MECOM: variants seen among roughly 807,000 people sequenced by gnomAD.
MECOM encodes histone-lysine N-methyltransferase MECOM.
MECOM carries 13 observed loss-of-function variants against 116.3 expected under a neutral mutation model. The ratio of observed to expected loss-of-function variants is 0.11; its 90% confidence interval spans 0.07 to 0.18. The LOEUF (loss-of-function observed/expected upper bound fraction) is 0.18, where lower values mean the gene tolerates loss of function less well. Among genes scored for constraint, MECOM ranks in the 10% least tolerant of loss-of-function variants. MECOM has a pLI of 1.00. For missense variants in MECOM, 1,299 were observed against 1,509.0 expected, an observed-to-expected ratio of 0.86 and a Z score of 2.31; for synonymous variants, 528 against 535.2, an observed-to-expected ratio of 0.99 and a Z score of 0.19.
chr3:169,455,197 TGATA>T (rs1217171182), intron 1 of MECOM, among the ~76,000 whole-genome samples: 3 of 152,124 alleles, frequency 2.0e-5, no homozygotes, highest in Non-Finnish European at 2.9e-5. Context: ...CATCAGAAAA[TGATA>T]GATAGGTATG....
At chr3:169,604,464 T>G (rs1428828645) in intron 1 of MECOM, among the ~76,000 whole-genome samples, 7 of 152,232 alleles carry the variant, frequency 4.6e-5, no homozygotes, top group African/African-American at 1.7e-4. Context: ...AGAAAGACTC[T>G]GGCTGGGACT....
At chr3:169,327,475 T>C (rs1429767312) in intron 2 of MECOM, among the ~76,000 whole-genome samples, 1 of 151,698 alleles carries the variant, frequency 6.6e-6, no homozygotes, top group Admixed American at 6.6e-5. Flanking sequence ...CCGTCTGTAC[T>C]AAAAATACAA....
chr3:169,601,462 T>G (rs1025632110), intron 1 of MECOM, among the ~76,000 whole-genome samples: 1 of 152,174 alleles, frequency 6.6e-6, no homozygotes, highest in African/African-American at 2.4e-5. Flanking sequence ...TGAGTGTAAC[T>G]CACCAGGCCT....
chr3:169,301,439 A>C (rs1716697264), intron 2 of MECOM, among the ~76,000 whole-genome samples: 1 of 152,210 alleles, frequency 6.6e-6, no homozygotes, highest in South Asian at 2.1e-4. Flanking sequence ...AAGCACTAGC[A>C]GTGTTGATAG....
chr3:169,662,098 G>A (rs1776356608), intron 1 of MECOM, among the ~76,000 whole-genome samples: 1 of 152,242 alleles, frequency 6.6e-6, no homozygotes, highest in Non-Finnish European at 1.5e-5. Flanking sequence ...CACCGTGTGG[G>A]AAAGTGTGGG....
chr3:169,643,685 A>C (rs557104935), intron 1 of MECOM, among the ~76,000 whole-genome samples: 1 of 152,250 alleles, frequency 6.6e-6, no homozygotes, highest in Non-Finnish European at 1.5e-5. Flanking sequence ...AACTGAGGGC[A>C]TCATGACAAC....
At chr3:169,438,131 C>G (rs11925929) in intron 1 of MECOM, among the ~76,000 whole-genome samples, 8,788 of 152,250 alleles carry the variant, frequency 0.058, 265 homozygotes, top group Non-Finnish European at 0.066. Context: ...AGCCATAATT[C>G]AAACCCTGAT....
chr3:169,182,729 T>C (rs1031569212), intron 2 of MECOM, among the ~76,000 whole-genome samples: 1 of 152,200 alleles, frequency 6.6e-6, no homozygotes, highest in African/African-American at 2.4e-5. Context: ...AGAAAAGTTT[T>C]CATCCTTAAT....
chr3:169,279,424 GAA>G (rs1236561166), intron 2 of MECOM, among the ~76,000 whole-genome samples: 2 of 152,146 alleles, frequency 1.3e-5, no homozygotes, highest in Admixed American at 1.3e-4. Flanking sequence ...TGTTCAGTGG[GAA>G]ATATGTTTTA....
intron 1 of MECOM, among the ~76,000 whole-genome samples, chr3:169,432,182 A>G (rs982540215): frequency 2.6e-5 from 4 of 150,998 alleles, no homozygotes; most frequent in African/African-American, 7.3e-5. Context: ...TTTTTTAGAC[A>G]GAGTCTTGCT....
chr3:169,571,786 C>T (rs764340741), intron 1 of MECOM, among the ~76,000 whole-genome samples: 1 of 151,874 alleles, frequency 6.6e-6, no homozygotes, highest in Non-Finnish European at 1.5e-5. Context: ...ACTGGCTAGC[C>T]GTGCAGAAAA....
Position 169,415,768 on chromosome 3 carries a change from T to TA in MECOM, c.38-34245dup, listed in dbSNP as rs1237151851. Reference sequence around the variant, plus strand: ...AAAACAGACTTTAAACCAACAAATATAAAAAAAGACAAAGAAGGGCATTGC... The same window carrying TA: ...AAAACAGACTTTAAACCAACAAATATAAAAAAAAGACAAAGAAGGGCATTGC... On this transcript the variant is annotated intron_variant, in intron 1 of 16. Transcript: ENST00000651503. Among the ~76,000 whole-genome samples the TA allele has an allele frequency of 2.7e-5, 4 of 149,774 alleles. No homozygotes were observed. In the South Asian group the frequency reaches 8.5e-4, roughly 32 times the overall value.
At chr3:169,264,546 T>C (rs556034376) in intron 2 of MECOM, among the ~76,000 whole-genome samples, 20 of 152,244 alleles carry the variant, frequency 1.3e-4, no homozygotes, top group African/African-American at 4.8e-4. Context: ...AGCCACAGAA[T>C]GCTAGAAGGA....
At chr3:169,372,280 G>A (rs1730270799) in intron 2 of MECOM, among the ~76,000 whole-genome samples, 1 of 152,106 alleles carries the variant, frequency 6.6e-6, no homozygotes, top group South Asian at 2.1e-4. Flanking sequence ...CATGACAGGT[G>A]CATCAACAAC....
intron 2 of MECOM, among the ~76,000 whole-genome samples, chr3:169,369,004 C>T (rs757674395): frequency 2.0e-5 from 3 of 152,004 alleles, no homozygotes; most frequent in Non-Finnish European, 4.4e-5. Context: ...TGGTTGATCA[C>T]CAAGGCAGAC....
chr3:169,270,818 C>A (rs980701558), intron 2 of MECOM, among the ~76,000 whole-genome samples: 14 of 152,038 alleles, frequency 9.2e-5, no homozygotes, highest in African/African-American at 2.9e-4. Context: ...ACAGACTATG[C>A]AATAACTGGC....
intron 13 of MECOM, 132 bp downstream of exon 13, chr3:169,094,944 C>T (rs573778711): frequency 4.1e-6 from 3 of 732,922 alleles, no homozygotes; most frequent in Non-Finnish European, 6.0e-6. Flanking sequence ...CAGAAACTTC[C>T]TGGGAATTTT....
intron 2 of MECOM, among the ~76,000 whole-genome samples, chr3:169,355,816 T>A (rs1577834515): frequency 6.6e-6 from 1 of 151,980 alleles, no homozygotes; most frequent in South Asian, 2.1e-4. Context: ...GCAGTGAAGA[T>A]TCTCTAGAAT....
At chr3:169,189,086 T>C (rs1301112964) in intron 2 of MECOM, among the ~76,000 whole-genome samples, 2 of 152,128 alleles carry the variant, frequency 1.3e-5, no homozygotes, top group African/African-American at 4.8e-5. Flanking sequence ...ACTCGCATGA[T>C]CCTAGAACAA....
Sources: allele counts gnomAD v4.1 joint callset (sites outside exome capture counted in the v4.1 genomes callset), GRCh38; gene constraint gnomAD v4.1.1; transcripts MANE v1.5; gene names NCBI Gene and HGNC (gene_info 2026-07-23, HGNC 2026-07-21).